CCDC171: variants seen among roughly 807,000 people sequenced by gnomAD.
The protein encoded by CCDC171 is coiled-coil domain-containing protein 171.
In CCDC171, 177 loss-of-function variants were observed where a neutral mutation model predicts 168.2. The ratio of observed to expected loss-of-function variants is 1.05; its 90% CI spans 0.93 to 1.19. The LOEUF (loss-of-function observed/expected upper bound fraction) is 1.19. Among genes scored for constraint, CCDC171 ranks in the 50% most tolerant of loss-of-function variants. CCDC171 has a pLI of 0.00. For missense variants in CCDC171, 1,991 were observed against 1,539.0 expected (o/e 1.29, Z -4.91); for synonymous variants, 687 against 540.8 (o/e 1.27, Z -3.75).
chr9:15,662,708 G>A (rs1006084530), intron 8 of CCDC171, among the ~76,000 whole-genome samples: 3 of 152,028 alleles, frequency 2.0e-5, no homozygotes, highest in African/African-American at 7.3e-5. Flanking sequence ...GGACACGGTG[G>A]CTCACACCTG....
intron 9 of CCDC171, among the ~76,000 whole-genome samples, chr9:15,672,840 T>C (rs934264698): frequency 1.3e-5 from 2 of 152,252 alleles, no homozygotes; most frequent in African/African-American, 4.8e-5. Flanking sequence ...CAATGTGGGC[T>C]CTTTTTTGGT....
chr9:16,105,740 T>G, the CCDC171 span, among the ~76,000 whole-genome samples: 6 of 152,316 alleles, frequency 3.9e-5, no homozygotes, highest in African/African-American at 1.4e-4. Flanking sequence ...GCCTCTAACT[T>G]TAAATGCTAC....
chr9:15,561,736 A>C (rs1056769678), intron 1 of CCDC171, among the ~76,000 whole-genome samples: 1 of 152,022 alleles, frequency 6.6e-6, no homozygotes, highest in Non-Finnish European at 1.5e-5. Context: ...TTGGTCCTTC[A>C]TTGATTTAGT....
chr9:15,846,825 A>G lies in CCDC171; in HGVS notation c.3391A>G (p.Ser1131Gly), dbSNP rs1055103279. Residue 1131 changes from serine to glycine, a missense_variant, in exon 22 of 26, where the codon AGT becomes GGT. Transcript: ENST00000380701. Reference protein sequence around the residue: ...RLEENIHDAESALRMAAKDKE... With the variant: ...RLEENIHDAEGALRMAAKDKE... Reference sequence around the variant, plus strand: ...GGAGGAGAACATCCATGATGCAGAGAGTGCCCTCCGCATGGCAGCCAAGTG... The same window carrying G: ...GGAGGAGAACATCCATGATGCAGAGGGTGCCCTCCGCATGGCAGCCAAGTG... 8.7e-6 allele frequency: 14 copies of G among 1,608,746 alleles called. 1 individual carries two copies. In the Admixed American group the frequency reaches 1.9e-4, roughly 21 times the overall value.
At chr9:15,964,155 G>A (rs184884689) in intron 25 of CCDC171, among the ~76,000 whole-genome samples, 86 of 152,240 alleles carry the variant, frequency 5.6e-4, no homozygotes, top group Non-Finnish European at 1.1e-3. Flanking sequence ...TTTTATTTAA[G>A]CCAATGACAT....
chr9:16,068,965 C>G, the CCDC171 span, among the ~76,000 whole-genome samples: 2,001 of 152,258 alleles, frequency 0.013, 48 homozygotes, highest in African/African-American at 0.046. Context: ...GAAGTTAACA[C>G]CCTACAGCCT....
At chr9:15,701,153 A>G (rs973328544) in intron 11 of CCDC171, among the ~76,000 whole-genome samples, 5 of 152,024 alleles carry the variant, frequency 3.3e-5, no homozygotes, top group Non-Finnish European at 2.9e-5. Flanking sequence ...CCCTTGTTTG[A>G]TGAATAGTTT....
chr9:15,770,112 C>T (rs78065996), intron 18 of CCDC171, among the ~76,000 whole-genome samples: 77 of 152,194 alleles, frequency 5.1e-4, no homozygotes, highest in African/African-American at 1.8e-3. Flanking sequence ...AACGAACTAT[C>T]GAAGCTTTAA....
chr9:15,661,296 A>AAAAAAAAAAC (rs1564160074), intron 8 of CCDC171, among the ~76,000 whole-genome samples: 2 of 141,538 alleles, frequency 1.4e-5, no homozygotes, highest in African/African-American at 2.7e-5. Context: ...AAAAAAAAAA[A>AAAAAAAAAAC]AAAAGTAACA....
At chr9:15,675,350 T>A (rs919493164) in intron 9 of CCDC171, among the ~76,000 whole-genome samples, 1 of 152,166 alleles carries the variant, frequency 6.6e-6, no homozygotes, top group Non-Finnish European at 1.5e-5. Context: ...TGTCTTTTAC[T>A]TGGGACATTT....
chr9:15,827,762 C>A (rs2136196133), intron 21 of CCDC171, among the ~76,000 whole-genome samples: 1 of 152,128 alleles, frequency 6.6e-6, no homozygotes, highest in East Asian at 1.9e-4. Context: ...TTGATTAGGC[C>A]ACTTGAGTTC....
downstream of CCDC171, among the ~76,000 whole-genome samples, chr9:15,977,350 A>T (rs2132856445): frequency 6.6e-6 from 1 of 152,174 alleles, no homozygotes; most frequent in Non-Finnish European, 1.5e-5. Context: ...ATGTGTTCTT[A>T]CTCTTTGCAG....
the CCDC171 span, among the ~76,000 whole-genome samples, chr9:16,089,429 GT>G: frequency 2.0e-5 from 3 of 151,782 alleles, no homozygotes; most frequent in South Asian, 4.2e-4. Flanking sequence ...TGCTTTTGGT[GT>G]TTTAGTCATG....
chr9:15,909,991 C>A lies in CCDC171; in HGVS notation c.3601-10279C>A, dbSNP rs561127144. Among the ~76,000 whole-genome samples, 6 of 152,254 alleles carry A rather than the reference C, an allele frequency of 3.9e-5. No homozygotes were observed. In the East Asian group the frequency reaches 1.2e-3, roughly 29 times the overall value. On this transcript the variant is annotated intron_variant, in intron 24 of 25. Coordinates refer to ENST00000380701, the MANE Select transcript of CCDC171 (RefSeq NM_173550.4). ...TTTGTAATCTCCAATATCTGTTATT[C>A]CACTCTGTACTTCCATGTGTAGCCA...
At chr9:16,020,697 G>A (rs565916973) in exon 4 of CCDC171, 1 of 154,492 alleles carries the variant, frequency 6.5e-6, no homozygotes, top group East Asian at 1.9e-4. Context: ...ACACAGGCAG[G>A]GAGCTTACAC....
chr9:15,874,759 T>C (rs572735150), intron 24 of CCDC171, 96 bp downstream of exon 24: 2 of 1,193,304 alleles, frequency 1.7e-6, no homozygotes, highest in East Asian at 5.5e-5. Context: ...TTGTGAATAA[T>C]TTAAAGGAGA....
chr9:16,085,840 C>T, the CCDC171 span, among the ~76,000 whole-genome samples: 1 of 152,202 alleles, frequency 6.6e-6, no homozygotes, highest in Non-Finnish European at 1.5e-5. Context: ...AGACCACAAA[C>T]ATGAATGGGA....
At chr9:16,003,373 A>G (rs2132956282) in intron 3 of CCDC171, among the ~76,000 whole-genome samples, 1 of 152,286 alleles carries the variant, frequency 6.6e-6, no homozygotes, top group East Asian at 1.9e-4. Context: ...TCCACAACAC[A>G]ATGGCTCCCT....
chr9:16,108,383 GA>G, the CCDC171 span, among the ~76,000 whole-genome samples: 1 of 152,172 alleles, frequency 6.6e-6, no homozygotes, highest in Non-Finnish European at 1.5e-5. Context: ...GGAGGCTTGT[GA>G]ATTTTATTTC....
Sources: gnomAD v4.1 joint callset for allele counts (sites outside exome capture counted in the v4.1 genomes callset) on GRCh38, gnomAD v4.1.1 for gene constraint, MANE v1.5 for transcripts, NCBI Gene and HGNC (gene_info 2026-07-23, HGNC 2026-07-21) for gene names.